Variants in IL22 observed in about 807,000 individuals in gnomAD.
IL22 encodes interleukin-22.
In IL22, 15 loss-of-function variants were observed where a neutral mutation model predicts 15.5. That is an observed-to-expected ratio of 0.97 (90% CI 0.65 to 1.49). The LOEUF (loss-of-function observed/expected upper bound fraction) is 1.49, where lower values mean the gene tolerates loss of function less well. IL22 is among the 40% of genes most tolerant of loss of function. IL22 has a pLI of 0.00. For missense variants in IL22, 225 were observed against 215.4 expected, an observed-to-expected ratio of 1.04 and a Z score of -0.28; for synonymous variants, 91 against 82.0, an observed-to-expected ratio of 1.11 and a Z score of -0.60.
Position 68,248,743 on chromosome 12 carries a change from T to C in IL22, c.*56A>G. Reference sequence around the variant, plus strand: ...AAAAAAATCGCTTTGGGGCATCTAATTGTTATTTCTAGCAGGGAAAGGGGG... The same window carrying C: ...AAAAAAATCGCTTTGGGGCATCTAACTGTTATTTCTAGCAGGGAAAGGGGG... On this transcript the variant is annotated 3_prime_UTR_variant, in exon 6 of 6. Coordinates refer to ENST00000538666, the MANE Select transcript of IL22 (RefSeq NM_020525.5). 2.1e-6 allele frequency: 3 copies of C among 1,419,354 alleles called. No individual in the cohort carries two copies. The highest frequency in any genetic ancestry group is 3.0e-6 in the Non-Finnish European group (3 of 1,014,634). 87.9% of individuals were successfully genotyped at this position (1,419,354 alleles called of 1,614,324 possible). A position where few individuals can be genotyped will look rare whatever the true frequency, so the allele number is the denominator to read the frequency against.
Position 68,248,587 on chromosome 12 carries a change from C to A in IL22, c.*212G>T. The A allele has an allele frequency of 2.1e-6, 1 of 470,738 alleles. No homozygotes were observed. Among genetic ancestry groups the A allele is most frequent in the Non-Finnish European group, 3.8e-6 (1 of 265,778 alleles). The allele number at this position is 470,738 out of a possible 1,614,324, so 29.2% of individuals were successfully genotyped here. Reference sequence around the variant, plus strand: ...ACAATGAAATGTTATCAATAAATATCTATGCTTAGAAAGTCTACCTTCTGG... The same window carrying A: ...ACAATGAAATGTTATCAATAAATATATATGCTTAGAAAGTCTACCTTCTGG... On this transcript the variant is annotated 3_prime_UTR_variant, in exon 6 of 6. Transcript: ENST00000538666.
chr12:68,252,909 C>A, intron 2 of IL22, 80 bp from the exon 3 acceptor site: 1 of 1,073,778 alleles, frequency 9.3e-7, no homozygotes, highest in Non-Finnish European at 1.4e-6. Flanking sequence ...TGCCCCATCC[C>A]GTCTCCCCAG....
rs1051130234 is a variant in IL22, at chr12:68,248,637, T to C, written c.*162A>G. 2 of 602,856 alleles carry C rather than the reference T, an allele frequency of 3.3e-6. No individual in the cohort carries two copies. The highest frequency in any genetic ancestry group is 4.8e-5 in the South Asian group (2 of 41,572). The allele number at this position is 602,856 out of a possible 1,614,324, so 37.3% of individuals were successfully genotyped here. Reference sequence around the variant, plus strand: ...GTCTTATAAACAAAAGTGGCATTGGTTTCCTTTGTAACTAACGCAGGGGTT... The same window carrying C: ...GTCTTATAAACAAAAGTGGCATTGGCTTCCTTTGTAACTAACGCAGGGGTT... On this transcript the variant is annotated 3_prime_UTR_variant, in exon 6 of 6. Coordinates refer to ENST00000538666, the MANE Select transcript of IL22 (RefSeq NM_020525.5).
chr12:68,249,762 A>G (rs547831930), intron 5 of IL22, among the ~76,000 whole-genome samples: 1 of 152,208 alleles, frequency 6.6e-6, no homozygotes, highest in African/African-American at 2.4e-5. Context: ...AAATTCCTCT[A>G]ATCTATCATA....
chr12:68,252,359 C>T (rs1040944392), intron 4 of IL22, 145 bp downstream of exon 4: 1 of 766,042 alleles, frequency 1.3e-6, no homozygotes, highest in African/African-American at 1.7e-5. Context: ...TCTATGATCC[C>T]AAATGACTCC....
chr12:68,251,645 T>C, intron 4 of IL22, 67 bp from the exon 5 acceptor site: 2 of 1,172,560 alleles, frequency 1.7e-6, no homozygotes, highest in Non-Finnish European at 2.6e-6. Flanking sequence ...TCCACACCCA[T>C]GGAGGTACAG....
At chr12:68,251,856 T>A (rs1433845596) in intron 4 of IL22, among the ~76,000 whole-genome samples, 1 of 152,122 alleles carries the variant, frequency 6.6e-6, no homozygotes, top group Non-Finnish European at 1.5e-5. Flanking sequence ...TTATGCAAAT[T>A]CTGTAAGGAA....
rs1241692847 is a variant in IL22, at chr12:68,252,588, C to T, written c.312G>A (p.Leu104=). Residue 104 remains leucine (L), a synonymous_variant, in exon 4 of 6, where the codon CTG becomes CTA. Transcript: ENST00000538666. Reference sequence around the variant, plus strand: ...GCTGGAACCTATCAGATTGAGGGAACAGCACTTCTTCAAGGGTGAAGTTCA... The same window carrying T: ...GCTGGAACCTATCAGATTGAGGGAATAGCACTTCTTCAAGGGTGAAGTTCA... ...QVLNFTLEEV[L]FPQSDRFQPY... is the part of the protein sequence containing the mutation. The T allele has an allele frequency of 6.2e-7, 1 of 1,613,976 alleles. No homozygotes were observed. Among genetic ancestry groups the T allele is most frequent in the South Asian group, 1.1e-5 (1 of 91,086 alleles).
In IL22 at chr12:68,253,444, G is replaced by T; in HGVS notation, c.5C>A (p.Ala2Asp). Residue 2 changes from alanine (A) to aspartate (D), a missense_variant, in exon 2 of 6, where the codon GCC becomes GAC. Transcript: ENST00000538666. M[A>D]ALQKSVSSFL... is the part of the protein sequence containing the mutation. ...AGAGCTCACAGATTTCTGCAGGGCG[G>T]CCATTGCAGACAATTCTAACTCGAG... 2.5e-6 allele frequency: 4 copies of T among 1,594,250 alleles called. No homozygotes were observed. The highest frequency in any genetic ancestry group is 3.4e-6 in the Non-Finnish European group (4 of 1,168,338).
intron 5 of IL22, among the ~76,000 whole-genome samples, chr12:68,251,069 A>T (rs1869913127): frequency 6.6e-6 from 1 of 152,244 alleles, no homozygotes. Flanking sequence ...TTCAAAAATG[A>T]CTTCAAATAA....
intron 4 of IL22, among the ~76,000 whole-genome samples, 187 bp from the exon 5 acceptor site, chr12:68,251,765 A>T (rs986024495): frequency 6.6e-5 from 10 of 152,206 alleles, no homozygotes; most frequent in Admixed American, 1.3e-4. Flanking sequence ...GCCAGAATCC[A>T]GTCACTTCCC....
rs1458771728 is a variant in IL22 at position 68,248,838 on chromosome 12, C to T, written c.501G>A (p.Leu167=). 6.2e-7 allele frequency: 1 copy of T among 1,613,218 alleles called. No individual in the cohort carries two copies. The highest frequency in any genetic ancestry group is 8.5e-7 in the Non-Finnish European group (1 of 1,179,536). ...TTCTCAGAGACATAAACAGCAAATCCAGTTCTCCAATTGCTTTGATCTCTC... is the reference window on the plus strand; with the variant it reads ...TTCTCAGAGACATAAACAGCAAATCTAGTTCTCCAATTGCTTTGATCTCTC... ...ESGEIKAIGE[L]DLLFMSLRNA... Residue 167 remains leucine (L), a synonymous_variant, in exon 6 of 6, where the codon CTG becomes CTA. Coordinates refer to ENST00000538666, the MANE Select transcript of IL22 (RefSeq NM_020525.5).
rs781219717 is a variant in IL22, at chr12:68,253,356, T to A, written c.93A>T (p.Gly31=). ...AGTGGGAGCTGATGGGCGCAGCTGC[T>A]CCTCCCTGTACCAAGAGGGCCAAGA... is the stretch of plus-strand genomic sequence containing the variant. ...LLLLALLVQG[G]AAAPISSHCR... The change falls in exon 2 of 6, where the codon GGA becomes GGT. Residue 31 remains glycine, a synonymous_variant. Transcript: ENST00000538666. 3 of 1,613,694 alleles carry A rather than the reference T, an allele frequency of 1.9e-6. No individual in the cohort carries two copies. Among genetic ancestry groups the A allele is most frequent in the Non-Finnish European group, 2.5e-6 (3 of 1,179,782 alleles).
In IL22 at chr12:68,248,263, T is replaced by C. The variant is rs1016376119; in HGVS notation, c.*536A>G. The C allele has an allele frequency of 1.3e-5, 2 of 152,272 alleles. No homozygotes were observed. Among genetic ancestry groups the C allele is most frequent in the African/African-American group, 4.8e-5 (2 of 41,436 alleles). 9.4% of individuals were successfully genotyped at this position (152,272 alleles called of 1,614,324 possible). ...AGACTTAGGATATCCAAGTGTTTATTGAGGTCAAATAAACATGTTATAGCT... is the reference window on the plus strand; with the variant it reads ...AGACTTAGGATATCCAAGTGTTTATCGAGGTCAAATAAACATGTTATAGCT... On this transcript the variant is annotated 3_prime_UTR_variant, in exon 6 of 6. Transcript: ENST00000538666.
At chr12:68,251,606 C>A (rs567877459) in intron 4 of IL22, 28 bp from the exon 5 acceptor site, 3 of 1,532,652 alleles carry the variant, frequency 2.0e-6, no homozygotes, top group Non-Finnish European at 2.7e-6. Flanking sequence ...GCATAACTAT[C>A]TTAATGTTGT....
Position 68,251,504 on chromosome 12 carries a change from C to A in IL22, c.462+9G>T, listed in dbSNP as rs573859758. 2 of 1,592,994 alleles carry A rather than the reference C, an allele frequency of 1.3e-6. No individual in the cohort carries two copies. The highest frequency in any genetic ancestry group is 3.3e-5 in the Admixed American group (2 of 59,970). ...TGCATGACTTAGCATTGACAGTTAT[C>A]AGTCCTACCTTTTTCACTGTGTCCT... On this transcript the variant is annotated intron_variant, in intron 5 of 5. Coordinates refer to ENST00000538666, the MANE Select transcript of IL22 (RefSeq NM_020525.5).
At chr12:68,252,220 C>A (rs1193375721) in intron 4 of IL22, among the ~76,000 whole-genome samples, 2 of 152,150 alleles carry the variant, frequency 1.3e-5, no homozygotes, top group African/African-American at 4.8e-5. Flanking sequence ...CAACACCTTT[C>A]TCATCTTACG....
chr12:68,252,809 G>A lies in IL22; in HGVS notation c.207C>T (p.Asn69=). ...TCTCCCCAATGAGACGAACGTCTGT[G>A]TTGTTATCAGCCAAGCTAGCCTGGA... ...LAKEASLADN[N]TDVRLIGEKL... Residue 69 remains asparagine, a synonymous_variant, in exon 3 of 6, where the codon AAC becomes AAT. Coordinates refer to ENST00000538666, the MANE Select transcript of IL22 (RefSeq NM_020525.5). 6.2e-7 allele frequency: 1 copy of A among 1,613,908 alleles called. No homozygotes were observed. The highest frequency in any genetic ancestry group is 8.5e-7 in the Non-Finnish European group (1 of 1,179,838).
At chr12:68,249,861 C>T (rs1869867084) in intron 5 of IL22, among the ~76,000 whole-genome samples, 1 of 152,166 alleles carries the variant, frequency 6.6e-6, no homozygotes, top group Admixed American at 6.6e-5. Flanking sequence ...GCCCTTTCAC[C>T]TTTCCATACT....
Sources: allele counts gnomAD v4.1 joint callset (sites outside exome capture counted in the v4.1 genomes callset), GRCh38; gene constraint gnomAD v4.1.1; transcripts MANE v1.5; gene names NCBI Gene and HGNC (gene_info 2026-07-23, HGNC 2026-07-21).